TNIK: variants seen among roughly 807,000 people sequenced by gnomAD.
The protein encoded by TNIK is TRAF2 and NCK-interacting protein kinase.
In TNIK, 49 loss-of-function variants were observed where a neutral mutation model predicts 191.3. That is an observed-to-expected ratio of 0.26 (90% CI 0.20 to 0.32). The LOEUF is 0.32. Ranked by LOEUF, TNIK falls within the 10% of genes least tolerant of loss-of-function variation. The probability of loss-of-function intolerance (pLI) is 1.00; values close to 1 mark genes in which losing one functional copy is unlikely to be tolerated. For synonymous variants in TNIK, 594 were observed against 600.9 expected (o/e 0.99, Z 0.17); for missense variants, 1,155 against 1,702.3 (o/e 0.68, Z 5.66).
intron 2 of TNIK, among the ~76,000 whole-genome samples, chr3:171,354,448 C>T (rs1409301111): frequency 6.6e-6 from 1 of 152,112 alleles, no homozygotes; most frequent in Non-Finnish European, 1.5e-5. Context: ...GCCAAAAGGG[C>T]AGCTTGTAGC....
At chr3:171,449,546 T>C (rs1007933048) in intron 1 of TNIK, among the ~76,000 whole-genome samples, 3 of 152,166 alleles carry the variant, frequency 2.0e-5, no homozygotes, top group African/African-American at 7.2e-5. Context: ...TTACATATAA[T>C]ATGTACAATA....
In TNIK at chr3:171,085,215, G is replaced by A; in HGVS notation, c.2901C>T (p.Ser967=). The change falls in exon 25 of 33, where the codon AGC becomes AGT. Residue 967 remains serine, a synonymous_variant. Transcript: ENST00000436636. ...MDSGTEYGMG[S]STKASFTPFV... is the part of the protein sequence containing the mutation. ...AGGGGGTGAAGGAGGCTTTGGTGCT[G>A]CTCCCCATGCCATACTAATCAATAA... 6.2e-7 allele frequency: 1 copy of A among 1,608,954 alleles called. No homozygotes were observed. Among genetic ancestry groups the A allele is most frequent in the South Asian group, 1.1e-5 (1 of 89,642 alleles).
intron 2 of TNIK, among the ~76,000 whole-genome samples, chr3:171,316,837 A>G (rs1030804056): frequency 6.6e-6 from 1 of 151,454 alleles, no homozygotes; most frequent in African/African-American, 2.4e-5. Context: ...CCATGCAACT[A>G]CTATTTACTT....
intron 14 of TNIK, 92 bp downstream of exon 14, chr3:171,139,378 G>GCGCACACACACACACACACACA (rs35492114): frequency 1.6e-6 from 1 of 631,068 alleles, no homozygotes; most frequent in Non-Finnish European, 2.7e-6. Flanking sequence ...ACGCACGCGC[G>GCGCACACACACACACACACACA]CACACACACA....
At chr3:171,258,966 A>G (rs1001399760) in intron 2 of TNIK, among the ~76,000 whole-genome samples, 7 of 152,176 alleles carry the variant, frequency 4.6e-5, no homozygotes, top group Non-Finnish European at 8.8e-5. Flanking sequence ...CAAACACGCC[A>G]CTGAAATTTG....
intron 2 of TNIK, among the ~76,000 whole-genome samples, chr3:171,283,367 G>A (rs1480750792): frequency 6.6e-6 from 1 of 151,714 alleles, no homozygotes; most frequent in Non-Finnish European, 1.5e-5. Flanking sequence ...CAGAAGATTT[G>A]GCAACCTAAA....
chr3:171,312,237 G>T (rs1433881441), intron 2 of TNIK, among the ~76,000 whole-genome samples: 2 of 145,618 alleles, frequency 1.4e-5, no homozygotes, highest in Admixed American at 7.0e-5. Flanking sequence ...TACATCAAAA[G>T]ATTAATAAAA....
At chr3:171,118,570 G>C (rs1727130688) in intron 18 of TNIK, among the ~76,000 whole-genome samples, 1 of 152,128 alleles carries the variant, frequency 6.6e-6, no homozygotes, top group South Asian at 2.1e-4. Flanking sequence ...AAAACAGCAT[G>C]GTACTGGTAC....
intron 2 of TNIK, among the ~76,000 whole-genome samples, chr3:171,291,899 TC>T (rs1751720869): frequency 6.6e-6 from 1 of 152,180 alleles, no homozygotes; most frequent in African/African-American, 2.4e-5. Flanking sequence ...AGGTCTAGGA[TC>T]CTGTTCACTT....
At chr3:171,353,947 C>T (rs1483534116) in intron 2 of TNIK, among the ~76,000 whole-genome samples, 1 of 151,866 alleles carries the variant, frequency 6.6e-6, no homozygotes, top group Non-Finnish European at 1.5e-5. Flanking sequence ...TGTAGATATC[C>T]TCTACCCTCC....
At chr3:171,114,279 G>A (rs1052984690) in intron 18 of TNIK, among the ~76,000 whole-genome samples, 6 of 152,064 alleles carry the variant, frequency 3.9e-5, no homozygotes, top group African/African-American at 4.8e-5. Context: ...TTTTAATGCC[G>A]TGAGATATTA....
At chr3:171,403,611 CAAAAAAAAAA>C (rs57982642) in intron 1 of TNIK, among the ~76,000 whole-genome samples, 2 of 100,168 alleles carry the variant, frequency 2.0e-5, no homozygotes, top group East Asian at 4.1e-4. Flanking sequence ...GACTCCGTAT[CAAAAAAAAAA>C]AAAAAAAAAA....
intron 10 of TNIK, 100 bp downstream of exon 10, chr3:171,166,995 G>T: frequency 7.0e-7 from 1 of 1,425,914 alleles, no homozygotes; most frequent in Non-Finnish European, 9.3e-7. Context: ...GAATAATGCA[G>T]GCCCATTTGA....
intron 1 of TNIK, among the ~76,000 whole-genome samples, chr3:171,456,498 A>G (rs1006297943): frequency 2.0e-5 from 3 of 152,146 alleles, no homozygotes; most frequent in African/African-American, 7.2e-5. Flanking sequence ...AACTCTATAA[A>G]CCTCACATGC....
At chr3:171,399,074 G>A (rs918805663) in intron 1 of TNIK, among the ~76,000 whole-genome samples, 2 of 152,186 alleles carry the variant, frequency 1.3e-5, no homozygotes, top group Non-Finnish European at 2.9e-5. Context: ...TAAGCACAAT[G>A]TCTGACAAAT....
At chr3:171,347,104 A>C in intron 2 of TNIK, 1 of 1,506,682 alleles carries the variant, frequency 6.6e-7, no homozygotes, top group South Asian at 1.3e-5. Flanking sequence ...ATCAGGAACC[A>C]TTTAGGAAAT....
intron 1 of TNIK, among the ~76,000 whole-genome samples, chr3:171,446,709 C>T (rs968608204): frequency 4.6e-5 from 7 of 152,260 alleles, no homozygotes; most frequent in Admixed American, 2.6e-4. Flanking sequence ...TTGATTTTAG[C>T]AATTGTCTGG....
At position 171,257,303 on chromosome 3, in the gene TNIK, TGGCAGCATGCAAATTTACTTAGCATTACA is replaced by T. The variant is rs774179144; in HGVS notation, c.124-29111_124-29083del. Among the ~76,000 whole-genome samples the T allele has an allele frequency of 1.8e-3, 267 of 152,346 alleles. 1 individual carries two copies. Among genetic ancestry groups the T allele is most frequent in the Non-Finnish European group, 3.0e-3 (201 of 68,030 alleles). ...AATGATTCCATGTAACTGGCCATCA[TGGCAGCATGCAAATTTACTTAGCATTACA>T]GGAGTCCAAATTTCAGCTCTAACCC... On this transcript the variant is annotated intron_variant, in intron 2 of 32. Coordinates refer to ENST00000436636, the MANE Select transcript of TNIK (RefSeq NM_015028.4).
chr3:171,171,153 A>C (rs1735233519), intron 9 of TNIK, among the ~76,000 whole-genome samples: 1 of 152,222 alleles, frequency 6.6e-6, no homozygotes, highest in East Asian at 1.9e-4. Flanking sequence ...GGAGGAGTCA[A>C]CTGGGCTGTT....
Sources: allele counts gnomAD v4.1 joint callset (sites outside exome capture counted in the v4.1 genomes callset), GRCh38; gene constraint gnomAD v4.1.1; transcripts MANE v1.5; gene names NCBI Gene and HGNC (gene_info 2026-07-23, HGNC 2026-07-21).